The following THSD4 variants were observed in gnomAD, a reference collection of about 807,000 sequenced individuals.
THSD4 encodes thrombospondin type-1 domain-containing protein 4.
THSD4 carries 69 observed loss-of-function variants against 119.0 expected under a neutral mutation model. That is an observed-to-expected ratio of 0.58 (90% confidence interval 0.48 to 0.71). The LOEUF (loss-of-function observed/expected upper bound fraction) is 0.71, where lower values mean the gene tolerates loss of function less well. Ranked by LOEUF, THSD4 falls within the 30% of genes least tolerant of loss-of-function variation. THSD4 has a pLI of 0.00. For synonymous variants in THSD4, 524 were observed against 540.4 expected (o/e 0.97, Z 0.42); for missense variants, 1,393 against 1,391.1 (o/e 1.00, Z -0.02).
chr15:71,577,083 T>G (rs2049461188), intron 7 of THSD4, among the ~76,000 whole-genome samples: 1 of 108,888 alleles, frequency 9.2e-6, no homozygotes, highest in South Asian at 3.0e-4. Context: ...ATTACATGAT[T>G]GTCCTAACAA....
intron 7 of THSD4, among the ~76,000 whole-genome samples, chr15:71,496,390 T>C (rs2067047353): frequency 6.6e-6 from 1 of 152,222 alleles, no homozygotes; most frequent in Admixed American, 6.5e-5. Flanking sequence ...AAGGTGGTTT[T>C]CTTTTTTCTT....
intron 7 of THSD4, among the ~76,000 whole-genome samples, chr15:71,456,063 C>T (rs2278614): frequency 0.15 from 23,320 of 152,172 alleles, 2,261 homozygotes; most frequent in East Asian, 0.3. Context: ...CTGGGATCCC[C>T]TCTTACGAAT....
At chr15:71,594,430 A>T (rs1167218522) in intron 7 of THSD4, among the ~76,000 whole-genome samples, 1 of 151,882 alleles carries the variant, frequency 6.6e-6, no homozygotes, top group Non-Finnish European at 1.5e-5. Flanking sequence ...GCTGTTCTTG[A>T]ACTCCTGACC....
intron 7 of THSD4, among the ~76,000 whole-genome samples, chr15:71,606,453 A>G (rs2050111076): frequency 6.6e-6 from 1 of 152,238 alleles, no homozygotes; most frequent in African/African-American, 2.4e-5. Context: ...TGGAGGCACA[A>G]ACTCCAGCAA....
At position 71,242,846 on chromosome 15, in the gene THSD4, A is replaced by G; in HGVS notation, c.662A>G (p.His221Arg). Residue 221 changes from histidine to arginine, a missense_variant, in exon 5 of 18, where the codon CAT (histidine) becomes CGT (arginine). Physicochemically the swap from His to Arg is conservative, Grantham distance 29. Transcript: ENST00000261862. ...YSSPAHQVPQ[H>R]GPLYQSDSGP... The stretch of plus-strand genomic sequence containing the variant: ...TCACCAGCCCACCAGGTCCCCCAAC[A>G]TGGGCCTTTGTACCAAAGTGACAGT... 6.2e-7 allele frequency: 1 copy of G among 1,614,176 alleles called. No homozygotes were observed. Among genetic ancestry groups the G allele is most frequent in the South Asian group, 1.1e-5 (1 of 91,072 alleles).
chr15:71,138,010 C>G (rs1350422489), intron 1 of THSD4, among the ~76,000 whole-genome samples: 1 of 152,188 alleles, frequency 6.6e-6, no homozygotes, highest in Non-Finnish European at 1.5e-5. Flanking sequence ...GACAACTGCT[C>G]TCCCCCAAAC....
rs142018655 is a variant in THSD4 at position 71,647,014 on chromosome 15, A to G, written c.1153-13516A>G. Among the ~76,000 whole-genome samples the G allele has an allele frequency of 9.0e-3, 1,371 of 152,320 alleles. 29 individuals carry two copies. The highest frequency in any genetic ancestry group is 0.031 in the African/African-American group (1,302 of 41,576). On this transcript the variant is annotated intron_variant, in intron 7 of 17. Transcript: ENST00000261862. Reference sequence around the variant, plus strand: ...AATGTCACAACCACGTGCAGTATAGATTACCTGAAACCACAACATTTAGCC... The same window carrying G: ...AATGTCACAACCACGTGCAGTATAGGTTACCTGAAACCACAACATTTAGCC...
intron 6 of THSD4, among the ~76,000 whole-genome samples, chr15:71,267,067 A>G (rs1407537035): frequency 6.6e-6 from 1 of 152,174 alleles, no homozygotes; most frequent in Non-Finnish European, 1.5e-5. Flanking sequence ...GAACTTCCCC[A>G]ACCTAGCAAG....
intron 6 of THSD4, among the ~76,000 whole-genome samples, chr15:71,358,686 G>A (rs376047830): frequency 1.3e-5 from 2 of 152,196 alleles, no homozygotes; most frequent in Admixed American, 1.3e-4. Context: ...AGTAATACAC[G>A]TAAAGTGCCT....
At chr15:71,736,125 GTC>G (rs1398217889) in intron 10 of THSD4, among the ~76,000 whole-genome samples, 2 of 113,672 alleles carry the variant, frequency 1.8e-5, no homozygotes, top group African/African-American at 3.6e-5. Flanking sequence ...TGCTGTCTCT[GTC>G]TCTCTCTTGC....
At chr15:71,563,249 A>G (rs981765863) in intron 7 of THSD4, among the ~76,000 whole-genome samples, 1 of 152,144 alleles carries the variant, frequency 6.6e-6, no homozygotes, top group Non-Finnish European at 1.5e-5. Flanking sequence ...GAGGACCCCC[A>G]TCAGAGGCAA....
chr15:71,678,425 G>A (rs8026748), intron 8 of THSD4, among the ~76,000 whole-genome samples: 25,272 of 152,030 alleles, frequency 0.17, 2,381 homozygotes, highest in East Asian at 0.37. Flanking sequence ...TTCCTTCCTC[G>A]TGAGCATCAG....
intron 6 of THSD4, among the ~76,000 whole-genome samples, chr15:71,266,027 G>A (rs1019961935): frequency 1.8e-4 from 27 of 152,222 alleles, no homozygotes; most frequent in East Asian, 9.6e-4. Context: ...GGATGTGAGC[G>A]CAGCTTCAGC....
At chr15:71,217,833 C>T (rs2140252656) in intron 4 of THSD4, among the ~76,000 whole-genome samples, 1 of 144,014 alleles carries the variant, frequency 6.9e-6, no homozygotes, top group East Asian at 2.1e-4. Context: ...GTTGCCCAGG[C>T]TAGAGTGCAG....
At position 71,243,152 on chromosome 15, in the gene THSD4, C is replaced by T. The variant is rs1337960401; in HGVS notation, c.912+56C>T. ...AAACAGCTGCCCCTCGTTTTTCTGT[C>T]ATTTGGCACTAAGCATGATGAAGAC... is the stretch of plus-strand genomic sequence containing the variant. On this transcript the variant is annotated intron_variant, in intron 5 of 17. Transcript: ENST00000261862. 14 of 1,534,960 alleles carry T rather than the reference C, an allele frequency of 9.1e-6. No homozygotes were observed. The Admixed American group carries it at 2.3e-4, about 25-fold the overall frequency.
chr15:71,450,565 T>C (rs1222989309), intron 7 of THSD4, among the ~76,000 whole-genome samples: 1 of 152,204 alleles, frequency 6.6e-6, no homozygotes, highest in East Asian at 1.9e-4. Flanking sequence ...TAATAATTCT[T>C]ATAGCATCCA....
chr15:71,732,702 G>C (rs763211211), intron 10 of THSD4: 1 of 152,220 alleles, frequency 6.6e-6, no homozygotes, highest in African/African-American at 2.4e-5. Context: ...AGCTTAGGAA[G>C]AGTAAGTTAA....
chr15:71,397,682 C>T (rs995564001), intron 6 of THSD4, among the ~76,000 whole-genome samples: 6 of 152,186 alleles, frequency 3.9e-5, no homozygotes, highest in Admixed American at 6.6e-5. Flanking sequence ...AGAGTTTAAT[C>T]GGGCACTGAA....
chr15:71,600,408 C>T (rs1476213478), intron 7 of THSD4, among the ~76,000 whole-genome samples: 1 of 152,202 alleles, frequency 6.6e-6, no homozygotes, highest in Non-Finnish European at 1.5e-5. Context: ...TAATACATGA[C>T]CTTTACTCTT....
Sources: allele counts gnomAD v4.1 joint callset (sites outside exome capture counted in the v4.1 genomes callset), GRCh38; gene constraint gnomAD v4.1.1; transcripts MANE v1.5; gene names NCBI Gene and HGNC (gene_info 2026-07-23, HGNC 2026-07-21).